TSG101: variants seen among roughly 807,000 people sequenced by gnomAD.
TSG101 encodes tumor susceptibility 101.
In TSG101, 19 loss-of-function variants were observed where a neutral mutation model predicts 48.5. The ratio of observed to expected loss-of-function variants is 0.39; its 90% CI spans 0.27 to 0.58. TSG101 has a LOEUF of 0.58. TSG101 is among the 20% of genes least tolerant of loss of function. The pLI, the probability that TSG101 is intolerant of heterozygous loss-of-function variation, is 0.55. For missense variants in TSG101, 365 were observed against 484.4 expected, an observed-to-expected ratio of 0.75 and a Z score of 2.31; for synonymous variants, 174 against 169.4, an observed-to-expected ratio of 1.03 and a Z score of -0.21.
intron 7 of TSG101, among the ~76,000 whole-genome samples, chr11:18,499,628 G>T (rs755792993): frequency 2.0e-5 from 3 of 150,440 alleles, no homozygotes; most frequent in Non-Finnish European, 4.4e-5. Flanking sequence ...GGCCAGGCTG[G>T]TCTCCAACTC....
At chr11:18,496,486 A>G (rs1478095283) in intron 7 of TSG101, among the ~76,000 whole-genome samples, 1 of 149,266 alleles carries the variant, frequency 6.7e-6, no homozygotes, top group Non-Finnish European at 1.5e-5. Flanking sequence ...ATAAAATAAA[A>G]TAAAATAAAA....
chr11:18,505,409 C>T (rs970321130), intron 6 of TSG101, among the ~76,000 whole-genome samples: 4 of 152,106 alleles, frequency 2.6e-5, no homozygotes, highest in African/African-American at 9.7e-5. Flanking sequence ...GTTCACACCA[C>T]CATGCCTGGC....
At chr11:18,510,284 G>A (rs898044149) in intron 4 of TSG101, among the ~76,000 whole-genome samples, 1 of 152,028 alleles carries the variant, frequency 6.6e-6, no homozygotes, top group African/African-American at 2.4e-5. Context: ...AGCCGGGTGT[G>A]GTGATGTGCG....
chr11:18,480,755 T>C, intron 9 of TSG101, 120 bp from the exon 10 acceptor site: 1 of 784,332 alleles, frequency 1.3e-6, no homozygotes, highest in South Asian at 1.7e-5. Flanking sequence ...TGCCAACCTT[T>C]GGAATGAATA....
At position 18,496,948 on chromosome 11, in the gene TSG101, G is replaced by A. The variant is rs375989010; in HGVS notation, c.640+5538C>T. Reference sequence around the variant, plus strand: ...TCTACTAAAAATATAAAAATTAGCCGGGTGTGGTGGTACGCTCCTCTAATC... The same window carrying A: ...TCTACTAAAAATATAAAAATTAGCCAGGTGTGGTGGTACGCTCCTCTAATC... On this transcript the variant is annotated intron_variant, in intron 7 of 9. Coordinates refer to ENST00000251968, the MANE Select transcript of TSG101 (RefSeq NM_006292.4). 1.2e-4 allele frequency among the ~76,000 whole-genome samples: 18 copies of A among 152,082 alleles called. No individual in the cohort carries two copies. The South Asian group carries it at 3.3e-3, about 28-fold the overall frequency.
At chr11:18,504,485 C>T (rs2133920402) in intron 6 of TSG101, among the ~76,000 whole-genome samples, 1 of 152,098 alleles carries the variant, frequency 6.6e-6, no homozygotes, top group Admixed American at 6.5e-5. Flanking sequence ...CTACTGAACA[C>T]AGTACTTTTG....
chr11:18,503,893 A>G (rs1849927580), intron 6 of TSG101, among the ~76,000 whole-genome samples: 1 of 152,128 alleles, frequency 6.6e-6, no homozygotes. Context: ...CAAGCGCATT[A>G]AAATTACTGA....
At chr11:18,526,163 G>A (rs888123176) in intron 1 of TSG101, among the ~76,000 whole-genome samples, 1 of 151,216 alleles carries the variant, frequency 6.6e-6, no homozygotes, top group Non-Finnish European at 1.5e-5. Flanking sequence ...GTCTTGAGCC[G>A]TGAAGATCAT....
intron 7 of TSG101, among the ~76,000 whole-genome samples, chr11:18,493,270 A>G (rs1849724702): frequency 6.6e-6 from 1 of 152,198 alleles, no homozygotes; most frequent in Admixed American, 6.5e-5. Context: ...TAGGAAACCA[A>G]CACTCTACAC....
At chr11:18,502,626 A>C in intron 6 of TSG101, 49 bp from the exon 7 acceptor site, 1 of 1,453,522 alleles carries the variant, frequency 6.9e-7, no homozygotes, top group African/African-American at 1.4e-5. Flanking sequence ...ACCCAACCTT[A>C]TAGTATTTTG....
chr11:18,490,475 A>G, intron 7 of TSG101: 1 of 512,910 alleles, frequency 1.9e-6, no homozygotes, highest in South Asian at 1.8e-5. Flanking sequence ...GTCAAACTGG[A>G]TGTGTAGGCT....
chr11:18,494,216 T>A (rs1011012619), intron 7 of TSG101, among the ~76,000 whole-genome samples: 1 of 152,118 alleles, frequency 6.6e-6, no homozygotes, highest in Non-Finnish European at 1.5e-5. Flanking sequence ...CATTCAGCTA[T>A]CATAGTAAGT....
intron 4 of TSG101, 141 bp from the exon 5 acceptor site, chr11:18,509,806 A>T (rs1006519029): frequency 1.1e-6 from 1 of 906,568 alleles, no homozygotes; most frequent in Non-Finnish European, 1.5e-6. Context: ...TCATTTAATT[A>T]ATTTATTTTA....
Position 18,526,893 on chromosome 11 carries a change from A to C in TSG101, c.-77T>G. 6.6e-7 allele frequency: 1 copy of C among 1,504,174 alleles called. No homozygotes were observed. Among genetic ancestry groups the C allele is most frequent in the Non-Finnish European group, 9.0e-7 (1 of 1,112,288 alleles). The allele number at this position is 1,504,174 out of a possible 1,614,324, so 93.2% of individuals were successfully genotyped here. A position where few individuals can be genotyped will look rare whatever the true frequency, so the allele number is the denominator to read the frequency against. On this transcript the variant is annotated 5_prime_UTR_variant, in exon 1 of 10. Transcript: ENST00000251968. The stretch of plus-strand genomic sequence containing the variant: ...GGGCTGCCCCAGACCGTCCCACACA[A>C]TCGCACACCCCCAACCCGGCCTCAA...
intron 7 of TSG101, among the ~76,000 whole-genome samples, chr11:18,501,964 T>G (rs1040643014): frequency 6.6e-6 from 1 of 152,170 alleles, no homozygotes; most frequent in Non-Finnish European, 1.5e-5. Flanking sequence ...AAGGCAGATA[T>G]GGTGGTGCAG....
intron 5 of TSG101, 95 bp downstream of exon 5, chr11:18,509,447 A>T: frequency 6.9e-7 from 1 of 1,452,426 alleles, no homozygotes; most frequent in Non-Finnish European, 9.2e-7. Context: ...TAAACTAAAA[A>T]GCAAAGAAGT....
chr11:18,523,469 T>C (rs1850313504), intron 1 of TSG101, among the ~76,000 whole-genome samples: 1 of 152,116 alleles, frequency 6.6e-6, no homozygotes, highest in South Asian at 2.1e-4. Context: ...CCTAAAACAG[T>C]GAGGGACATA....
chr11:18,483,069 G>A (rs770917761), intron 8 of TSG101, among the ~76,000 whole-genome samples: 5 of 152,150 alleles, frequency 3.3e-5, no homozygotes, highest in African/African-American at 1.2e-4. Context: ...GGGATGGCAC[G>A]CAGGGGTGGT....
chr11:18,500,997 G>A (rs982859598), intron 7 of TSG101, among the ~76,000 whole-genome samples: 2 of 152,110 alleles, frequency 1.3e-5, no homozygotes, highest in African/African-American at 2.4e-5. Flanking sequence ...TAGGAGAGAC[G>A]GGGTTTTACC....
Sources: allele counts gnomAD v4.1 joint callset (sites outside exome capture counted in the v4.1 genomes callset), GRCh38; gene constraint gnomAD v4.1.1; transcripts MANE v1.5; gene names NCBI Gene and HGNC (gene_info 2026-07-23, HGNC 2026-07-21).